The following DHX32 variants were observed in gnomAD, a reference collection of about 807,000 sequenced individuals.
DHX32 encodes the protein putative pre-mRNA-splicing factor ATP-dependent RNA helicase DHX32.
Under a neutral mutation model 70.0 loss-of-function variants are expected in DHX32, and 51 were observed. The ratio of observed to expected loss-of-function variants is 0.73; its 90% CI spans 0.58 to 0.92. The LOEUF is 0.92. DHX32 is among the 40% of genes least tolerant of loss of function. DHX32 has a pLI of 0.00. For missense variants in DHX32, 762 were observed against 891.8 expected (o/e 0.85, Z 1.85); for synonymous variants, 310 against 315.3 (o/e 0.98, Z 0.18).
intron 2 of DHX32, among the ~76,000 whole-genome samples, chr10:125,862,125 C>G (rs1944192869): frequency 1.3e-5 from 2 of 152,142 alleles, no homozygotes; most frequent in South Asian, 4.1e-4. Context: ...GGTCACAAAG[C>G]CAGGTAGAGA....
intron 1 of DHX32, among the ~76,000 whole-genome samples, chr10:125,889,641 C>A (rs1486042832): frequency 6.6e-6 from 1 of 152,278 alleles, no homozygotes; most frequent in Non-Finnish European, 1.5e-5. Flanking sequence ...AGCTCCGGAT[C>A]TCACTGCAAA....
chr10:125,880,483 T>C (rs1944310353), intron 1 of DHX32, 60 bp downstream of exon 1: 2 of 1,504,818 alleles, frequency 1.3e-6, no homozygotes, highest in South Asian at 1.4e-5. Flanking sequence ...TGACATGTCA[T>C]TAAATAACAA....
At chr10:125,876,903 A>T (rs1471346044) in intron 1 of DHX32, among the ~76,000 whole-genome samples, 1 of 152,202 alleles carries the variant, frequency 6.6e-6, no homozygotes, top group Non-Finnish European at 1.5e-5. Context: ...TCAACATTAC[A>T]TTCCAGATTT....
At chr10:125,880,175 A>C (rs1312256936) in intron 1 of DHX32, among the ~76,000 whole-genome samples, 1 of 152,202 alleles carries the variant, frequency 6.6e-6, no homozygotes, top group African/African-American at 2.4e-5. Context: ...TGGGCACTGA[A>C]ACAGAGCAGT....
intron 1 of DHX32, among the ~76,000 whole-genome samples, chr10:125,876,303 C>A (rs1944283598): frequency 6.6e-6 from 1 of 152,214 alleles, no homozygotes; most frequent in South Asian, 2.1e-4. Flanking sequence ...GTTTAGCCAG[C>A]TTTATGTGTA....
At chr10:125,879,187 CTAATTTTT>C (rs1363905000) in intron 1 of DHX32, among the ~76,000 whole-genome samples, 6 of 151,620 alleles carry the variant, frequency 4.0e-5, no homozygotes, top group African/African-American at 1.5e-4. Context: ...CCATGCCCAG[CTAATTTTT>C]TAATTTTTTA....
intron 3 of DHX32, chr10:125,854,517 C>G: frequency 4.9e-6 from 1 of 204,940 alleles, no homozygotes; most frequent in South Asian, 9.3e-5. Context: ...CTCTAGGTCT[C>G]TAGCTTATGT....
At chr10:125,877,806 T>C (rs998257292) in intron 1 of DHX32, among the ~76,000 whole-genome samples, 3 of 152,194 alleles carry the variant, frequency 2.0e-5, no homozygotes, top group African/African-American at 7.2e-5. Context: ...TGACATTAGA[T>C]AGACAAATTA....
At chr10:125,870,594 G>A (rs1944250089) in intron 1 of DHX32, among the ~76,000 whole-genome samples, 1 of 152,062 alleles carries the variant, frequency 6.6e-6, no homozygotes, top group Non-Finnish European at 1.5e-5. Context: ...CAGCACTTTG[G>A]GAGGCCAAGG....
chr10:125,874,377 C>G (rs1372233910), intron 1 of DHX32, among the ~76,000 whole-genome samples: 2 of 152,154 alleles, frequency 1.3e-5, no homozygotes, highest in Non-Finnish European at 2.9e-5. Flanking sequence ...TTTGAAGATA[C>G]ATGTCGTCCC....
At chr10:125,893,213 G>A (rs5003940) in intron 1 of DHX32, among the ~76,000 whole-genome samples, 1 of 148,366 alleles carries the variant, frequency 6.7e-6, no homozygotes, top group Admixed American at 6.7e-5. Context: ...GCATGCTCCT[G>A]CAGTCCCATT....
chr10:125,859,577 G>GT, intron 3 of DHX32, 26 bp downstream of exon 3: 1 of 1,530,838 alleles, frequency 6.5e-7, no homozygotes, highest in Non-Finnish European at 8.8e-7. Context: ...CCTTATTACT[G>GT]TAAGGTTAGA....
chr10:125,854,844 T>C (rs569571137), intron 3 of DHX32: 1 of 152,248 alleles, frequency 6.6e-6, no homozygotes, highest in Admixed American at 6.5e-5. Context: ...AACTTGCCAA[T>C]TGGAATAATG....
At chr10:125,887,059 A>G (rs1944344396) in intron 1 of DHX32, among the ~76,000 whole-genome samples, 2 of 152,236 alleles carry the variant, frequency 1.3e-5, no homozygotes, top group Admixed American at 6.5e-5. Flanking sequence ...CTGAGTAAAT[A>G]GTGAATGAGT....
chr10:125,856,278 G>T (rs1191702124), intron 3 of DHX32, among the ~76,000 whole-genome samples: 1 of 152,180 alleles, frequency 6.6e-6, no homozygotes, highest in East Asian at 1.9e-4. Flanking sequence ...AATGAAAGAA[G>T]ATCCACAACT....
intron 3 of DHX32, among the ~76,000 whole-genome samples, chr10:125,855,317 G>A (rs541074362): frequency 4.6e-5 from 7 of 151,998 alleles, no homozygotes; most frequent in Non-Finnish European, 1.0e-4. Context: ...AGGAGGACAC[G>A]CATTCATTCC....
At chr10:125,841,194 T>C in intron 7 of DHX32, 198 bp from the exon 8 acceptor site, 6 of 1,501,512 alleles carry the variant, frequency 4.0e-6, no homozygotes, top group Non-Finnish European at 5.5e-6. Context: ...CTTTTGTGTG[T>C]GTGTGTTTGC....
intron 1 of DHX32, among the ~76,000 whole-genome samples, chr10:125,877,962 T>A (rs1944293976): frequency 6.6e-6 from 1 of 152,232 alleles, no homozygotes; most frequent in Non-Finnish European, 1.5e-5. Flanking sequence ...TTATTCACAC[T>A]ATATGGTCTA....
At chr10:125,844,944 T>C (rs1219322490) in intron 6 of DHX32, among the ~76,000 whole-genome samples, 2 of 152,244 alleles carry the variant, frequency 1.3e-5, no homozygotes, top group Non-Finnish European at 2.9e-5. Context: ...GGGCTATCAT[T>C]ACAGTATTTC....
Sources: allele counts gnomAD v4.1 joint callset (sites outside exome capture counted in the v4.1 genomes callset), GRCh38; gene constraint gnomAD v4.1.1; transcripts MANE v1.5; gene names NCBI Gene and HGNC (gene_info 2026-07-23, HGNC 2026-07-21).